Variants in MFSD6 observed in about 807,000 individuals in gnomAD.
The protein encoded by MFSD6 is major facilitator superfamily domain containing 6.
MFSD6 carries 26 observed loss-of-function variants against 56.3 expected under a neutral mutation model. The ratio of observed to expected loss-of-function variants is 0.46; its 90% CI spans 0.34 to 0.64. The LOEUF (loss-of-function observed/expected upper bound fraction) is 0.64. Among genes scored for constraint, MFSD6 ranks in the 30% least tolerant of loss-of-function variants. The pLI, the probability that MFSD6 is intolerant of heterozygous loss-of-function variation, is 0.01. For synonymous variants in MFSD6, 331 were observed against 366.9 expected (o/e 0.90, Z 1.12); for missense variants, 750 against 986.2 (o/e 0.76, Z 3.21).
intron 3 of MFSD6, among the ~76,000 whole-genome samples, chr2:190,466,081 C>A (rs1235057876): frequency 6.6e-6 from 1 of 152,168 alleles, no homozygotes; most frequent in East Asian, 1.9e-4. Context: ...AGGTTTTCTT[C>A]CAGAGTTTTT....
rs1404556853 is a variant in MFSD6, at chr2:190,465,865, CA to C, written c.1533-3892del. Among the ~76,000 whole-genome samples the C allele has an allele frequency of 1.3e-5, 2 of 152,106 alleles. No homozygotes were observed. Among genetic ancestry groups the C allele is most frequent in the Non-Finnish European group, 2.9e-5 (2 of 68,016 alleles). ...AAAATTAGCCGGGCCTGGTAGCATG[CA>C]CCTGTAATCTCAGCTACTTGGGAGG... is the stretch of plus-strand genomic sequence containing the variant. On this transcript the variant is annotated intron_variant, in intron 3 of 7. Transcript: ENST00000392328. The surrounding 1 kb of genome is among the most constrained non-coding windows in gnomAD (Gnocchi z 4.6).
rs185280167 is a variant in MFSD6 at position 190,492,098 on chromosome 2, C to T, written c.1891+2232C>T. ...AGACAAGGTTTTTGAATTAATCCAA[C>T]GAAGACAAAGAAAAAAGAATTTTAA... On this transcript the variant is annotated intron_variant, in intron 6 of 7. Coordinates refer to ENST00000392328, the MANE Select transcript of MFSD6 (RefSeq NM_017694.4). The surrounding 1 kb of genome is among the most constrained non-coding windows in gnomAD (Gnocchi z 5.2). Among the ~76,000 whole-genome samples, 4 of 152,008 alleles carry T rather than the reference C, an allele frequency of 2.6e-5. No individual in the cohort carries two copies. The highest frequency in any genetic ancestry group is 1.9e-4 in the East Asian group (1 of 5,178).
At chr2:190,466,390 A>G (rs1687606982) in intron 3 of MFSD6, among the ~76,000 whole-genome samples, 2 of 152,210 alleles carry the variant, frequency 1.3e-5, no homozygotes, top group Admixed American at 6.5e-5. Flanking sequence ...TTGCCTTTTC[A>G]TAGATCCAAA....
Position 190,431,565 on chromosome 2 carries a change from T to C in MFSD6, c.-53-4412T>C, listed in dbSNP as rs1295880482. On this transcript the variant is annotated intron_variant, in intron 2 of 7. Coordinates refer to ENST00000392328, the MANE Select transcript of MFSD6 (RefSeq NM_017694.4). The surrounding 1 kb of genome is among the most constrained non-coding windows in gnomAD (Gnocchi z 4.4). The stretch of plus-strand genomic sequence containing the variant: ...CAAAAAAATACGAAAACCAGTCAGG[T>C]GTGGCGGCGCGCGCCTGCAATCGCA... Among the ~76,000 whole-genome samples the C allele has an allele frequency of 6.6e-6, 1 of 152,000 alleles. No individual in the cohort carries two copies. The highest frequency in any genetic ancestry group is 1.5e-5 in the Non-Finnish European group (1 of 67,988).
At chr2:190,445,683 T>C (rs1686553366) in intron 3 of MFSD6, among the ~76,000 whole-genome samples, 1 of 152,174 alleles carries the variant, frequency 6.6e-6, no homozygotes, top group Admixed American at 6.5e-5. Context: ...ACATAAGGTC[T>C]TTTTCCTCTC....
At chr2:190,444,798 C>A in intron 3 of MFSD6, 1 of 502,098 alleles carries the variant, frequency 2.0e-6, no homozygotes. Flanking sequence ...TAAAACCATC[C>A]TCCATTTCAT....
chr2:190,454,990 GTATATGTATAATGTATATGTA>G lies in MFSD6; in HGVS notation c.1533-14764_1533-14744del, dbSNP rs1686949173. 1.3e-5 allele frequency among the ~76,000 whole-genome samples: 1 copy of G among 77,748 alleles called. No individual in the cohort carries two copies. The highest frequency in any genetic ancestry group is 3.9e-5 in the Non-Finnish European group (1 of 25,838). 51.0% of individuals were successfully genotyped at this position (77,748 alleles called of 152,430 possible). On this transcript the variant is annotated intron_variant, in intron 3 of 7. Coordinates refer to ENST00000392328, the MANE Select transcript of MFSD6 (RefSeq NM_017694.4). This position sits in a 1 kb window ranked among gnomAD's most constrained non-coding sequence, Gnocchi z 4.6. ...TGTATATGTATATGTATATGTATAT[GTATATGTATAATGTATATGTA>G]TATGTATATGTGTGTTGGTAAGCAG...
chr2:190,452,676 A>G (rs1252685820), intron 3 of MFSD6, among the ~76,000 whole-genome samples: 1 of 152,124 alleles, frequency 6.6e-6, no homozygotes, highest in East Asian at 1.9e-4. Flanking sequence ...TTGAATGACT[A>G]ATGCCTGGTA....
chr2:190,474,265 A>C (rs576284358), intron 4 of MFSD6, among the ~76,000 whole-genome samples: 1 of 152,190 alleles, frequency 6.6e-6, no homozygotes, highest in African/African-American at 2.4e-5. Context: ...CAAAAAATCA[A>C]TGAATCCAGG....
chr2:190,410,256 G>A lies in MFSD6; in HGVS notation c.-176+1753G>A, dbSNP rs1195259298. ...GTAAACATTTAGTATCTCAATCTCT[G>A]TAAGATAAATCTTTCCCCTAGTTCT... On this transcript the variant is annotated intron_variant, in intron 1 of 7. Coordinates refer to ENST00000392328, the MANE Select transcript of MFSD6 (RefSeq NM_017694.4). This position sits in a 1 kb window ranked among gnomAD's most constrained non-coding sequence, Gnocchi z 4.4. 6.6e-6 allele frequency among the ~76,000 whole-genome samples: 1 copy of A among 152,080 alleles called. No individual in the cohort carries two copies.
intron 4 of MFSD6, among the ~76,000 whole-genome samples, chr2:190,477,612 TA>T (rs1688413734): frequency 6.6e-6 from 1 of 152,146 alleles, no homozygotes; most frequent in East Asian, 1.9e-4. Context: ...AAAGATATAT[TA>T]AATGGTGACT....
rs553336243 is a variant in MFSD6, at chr2:190,437,661, G to A, written c.1532+100G>A. 2.2e-4 allele frequency: 308 copies of A among 1,377,934 alleles called. 1 individual carries two copies. In the South Asian group the frequency reaches 2.8e-3, roughly 13 times the overall value. The allele number at this position is 1,377,934 out of a possible 1,614,324, so 85.4% of individuals were successfully genotyped here. A position where few individuals can be genotyped will look rare whatever the true frequency, so the allele number is the denominator to read the frequency against. On this transcript the variant is annotated intron_variant, in intron 3 of 7. Coordinates refer to ENST00000392328, the MANE Select transcript of MFSD6 (RefSeq NM_017694.4). The surrounding 1 kb of genome is among the most constrained non-coding windows in gnomAD (Gnocchi z 5.9). ...ACAATTTTAAGGTATTATAATTTGT[G>A]TTGAGGATAGGGTTGGAGTGGAAAT... is the stretch of plus-strand genomic sequence containing the variant.
In MFSD6 at chr2:190,496,406, T is replaced by TATGGAAAACA. The variant is rs1299481960; in HGVS notation, c.1892-1032_1892-1023dup. 6.6e-6 allele frequency among the ~76,000 whole-genome samples: 1 copy of TATGGAAAACA among 152,144 alleles called. No individual in the cohort carries two copies. The highest frequency in any genetic ancestry group is 2.4e-5 in the African/African-American group (1 of 41,414). ...GTAGGAATGTAAGCTGTACAAACACTATGGAAAACAGTGTGGAGATTTCTT... is the reference window on the plus strand; with the variant it reads ...GTAGGAATGTAAGCTGTACAAACACTATGGAAAACAATGGAAAACAGTGTGGAGATTTCTT... On this transcript the variant is annotated intron_variant, in intron 6 of 7. Coordinates refer to ENST00000392328, the MANE Select transcript of MFSD6 (RefSeq NM_017694.4). The surrounding 1 kb of genome is among the most constrained non-coding windows in gnomAD (Gnocchi z 4.7).
chr2:190,438,215 T>A lies in MFSD6; in HGVS notation c.1532+654T>A, dbSNP rs1443421741. Reference sequence around the variant, plus strand: ...ATTTCCCATGTAATTCTTTTAGTTATAAAAAAAAAAATCTATAGGCTGGGC... The same window carrying A: ...ATTTCCCATGTAATTCTTTTAGTTAAAAAAAAAAAAATCTATAGGCTGGGC... On this transcript the variant is annotated intron_variant, in intron 3 of 7. Coordinates refer to ENST00000392328, the MANE Select transcript of MFSD6 (RefSeq NM_017694.4). This position sits in a 1 kb window ranked among gnomAD's most constrained non-coding sequence, Gnocchi z 5.2. 3.4e-5 allele frequency among the ~76,000 whole-genome samples: 5 copies of A among 148,908 alleles called. No homozygotes were observed. Among genetic ancestry groups the A allele is most frequent in the African/African-American group, 4.9e-5 (2 of 40,702 alleles).
chr2:190,429,275 TCTCA>T (rs1406392849), intron 2 of MFSD6, among the ~76,000 whole-genome samples: 1 of 151,978 alleles, frequency 6.6e-6, no homozygotes, highest in Non-Finnish European at 1.5e-5. Context: ...AAATATCTTC[TCTCA>T]CTCTTTGACT....
intron 3 of MFSD6, among the ~76,000 whole-genome samples, chr2:190,453,101 A>G (rs1686840901): frequency 6.6e-6 from 1 of 152,260 alleles, no homozygotes; most frequent in Admixed American, 6.5e-5. Context: ...AAAATGTCAG[A>G]TGCTACAGAA....
At position 190,490,157 on chromosome 2, in the gene MFSD6, A is replaced by G. The variant is rs1488669064; in HGVS notation, c.1891+291A>G. On this transcript the variant is annotated intron_variant, in intron 6 of 7. Coordinates refer to ENST00000392328, the MANE Select transcript of MFSD6 (RefSeq NM_017694.4). The surrounding 1 kb of genome is among the most constrained non-coding windows in gnomAD (Gnocchi z 4.5). The stretch of plus-strand genomic sequence containing the variant: ...TAGTTTTCAATTTCTCTGGTATTCT[A>G]AAGGTTTTTCAAATTTAAGTCAAAT... Among the ~76,000 whole-genome samples the G allele has an allele frequency of 6.6e-6, 1 of 152,176 alleles. No individual in the cohort carries two copies.
At chr2:190,493,986 G>T (rs1689516811) in intron 6 of MFSD6, among the ~76,000 whole-genome samples, 1 of 150,910 alleles carries the variant, frequency 6.6e-6, no homozygotes, top group Admixed American at 6.6e-5. Context: ...AAACCCAGCA[G>T]AAGAAAGGAA....
chr2:190,439,005 C>G lies in MFSD6; in HGVS notation c.1532+1444C>G, dbSNP rs1686275913. On this transcript the variant is annotated intron_variant, in intron 3 of 7. Coordinates refer to ENST00000392328, the MANE Select transcript of MFSD6 (RefSeq NM_017694.4). The surrounding 1 kb of genome is among the most constrained non-coding windows in gnomAD (Gnocchi z 5.8). ...AAGTCAGGGACTGTGTGGATATTTC[C>G]TGGACCCACAGAACCCCTGAGGCAC... 6.6e-6 allele frequency among the ~76,000 whole-genome samples: 1 copy of G among 152,032 alleles called. No homozygotes were observed. The highest frequency in any genetic ancestry group is 6.6e-5 in the Admixed American group (1 of 15,266).
Sources: gnomAD v4.1 joint callset for allele counts (sites outside exome capture counted in the v4.1 genomes callset) on GRCh38, gnomAD v4.1.1 for gene constraint, Gnocchi (gnomAD v3.1) non-coding constraint, MANE v1.5 for transcripts, NCBI Gene and HGNC (gene_info 2026-07-23, HGNC 2026-07-21) for gene names.